Variants in ZC3H12B observed in about 807,000 individuals in gnomAD.
ZC3H12B encodes the protein probable ribonuclease ZC3H12B.
In ZC3H12B, 7 loss-of-function variants were observed where a neutral mutation model predicts 43.9. The ratio of observed to expected loss-of-function variants is 0.16; its 90% CI spans 0.09 to 0.30. ZC3H12B has a LOEUF of 0.30. ZC3H12B is among the 10% of genes least tolerant of loss of function. The pLI is 1.00. For synonymous variants in ZC3H12B, 222 were observed against 241.7 expected (o/e 0.92, Z 0.76); for missense variants, 475 against 670.2 (o/e 0.71, Z 3.22).
the ZC3H12B span, among the ~76,000 whole-genome samples, chrX:65,036,042 G>T: frequency 1.8e-5 from 2 of 111,585 alleles, no homozygotes; most frequent in Non-Finnish European, 3.8e-5. Context: ...TGATATATCT[G>T]TTCTTCCTGA....
At chrX:65,191,440 TG>T in the ZC3H12B span, among the ~76,000 whole-genome samples, 1 of 100,487 alleles carries the variant, frequency 1.0e-5, no homozygotes, top group African/African-American at 4.1e-5. Context: ...GGACTCTTTT[TG>T]GTTGGTAAAC....
At chrX:65,121,015 G>T in the ZC3H12B span, among the ~76,000 whole-genome samples, 1 of 111,103 alleles carries the variant, frequency 9.0e-6, no homozygotes, top group African/African-American at 3.3e-5. Context: ...TGATCATGGT[G>T]GATAAGCTTT....
At chrX:65,081,330 A>T in the ZC3H12B span, among the ~76,000 whole-genome samples, 1 of 110,719 alleles carries the variant, frequency 9.0e-6, no homozygotes, top group Admixed American at 9.6e-5. Context: ...GAATCAAAAG[A>T]TGTAGAGAGG....
chrX:65,469,184 C>A, intron 3 of ZC3H12B: 1 of 172,288 alleles, frequency 5.8e-6, no homozygotes. Flanking sequence ...AGACCACCAA[C>A]AGCAAGATCC....
chrX:65,316,138 AAAG>A, the ZC3H12B span, among the ~76,000 whole-genome samples: 71 of 112,176 alleles, frequency 6.3e-4, no homozygotes, highest in Middle Eastern at 4.6e-3. Flanking sequence ...GAAAAGCAAT[AAAG>A]AAGAATGGAC....
chrX:65,378,912 TG>T (rs2066390452), intron 2 of ZC3H12B, among the ~76,000 whole-genome samples: 1 of 112,403 alleles, frequency 8.9e-6, no homozygotes, highest in Admixed American at 9.3e-5. Context: ...GCATAAAAAA[TG>T]GCGCACCAGG....
chrX:65,483,373 T>C (rs1444979109), intron 3 of ZC3H12B, among the ~76,000 whole-genome samples: 1 of 112,240 alleles, frequency 8.9e-6, no homozygotes, highest in Non-Finnish European at 1.9e-5. Flanking sequence ...TTATTTATTA[T>C]AAATAAAAAT....
chrX:65,493,149 G>A (rs1602531597), intron 1 of ZC3H12B, among the ~76,000 whole-genome samples: 1 of 110,352 alleles, frequency 9.1e-6, no homozygotes, highest in Admixed American at 9.7e-5. Flanking sequence ...GCTCACACCT[G>A]TAATCCCAGA....
the ZC3H12B span, among the ~76,000 whole-genome samples, chrX:65,342,802 A>T: frequency 9.2e-6 from 1 of 109,033 alleles, no homozygotes; most frequent in African/African-American, 3.4e-5. Flanking sequence ...GACAAGAAAT[A>T]ATCAAAATCA....
At chrX:65,250,890 C>A in the ZC3H12B span, among the ~76,000 whole-genome samples, 2 of 111,461 alleles carry the variant, frequency 1.8e-5, no homozygotes, top group Non-Finnish European at 3.8e-5. Flanking sequence ...TGTAGGTTGC[C>A]TGTTCACTCT....
the ZC3H12B span, among the ~76,000 whole-genome samples, chrX:65,336,948 C>G: frequency 8.9e-6 from 1 of 112,312 alleles, no homozygotes; most frequent in African/African-American, 3.2e-5. Context: ...CTCATACTGC[C>G]AAACCCACTC....
the ZC3H12B span, among the ~76,000 whole-genome samples, chrX:65,216,508 G>A: frequency 9.0e-6 from 1 of 111,409 alleles, no homozygotes; most frequent in African/African-American, 3.3e-5. Flanking sequence ...AAGTGTCCTG[G>A]GGCTCTAAAT....
intron 3 of ZC3H12B, among the ~76,000 whole-genome samples, chrX:65,430,188 T>C (rs1184046615): frequency 9.0e-6 from 1 of 111,453 alleles, no homozygotes; most frequent in African/African-American, 3.3e-5. Flanking sequence ...TGTGTGTGCC[T>C]GAGCAGCTGC....
the ZC3H12B span, among the ~76,000 whole-genome samples, chrX:65,169,058 T>A: frequency 2.7e-5 from 3 of 111,825 alleles, no homozygotes; most frequent in Non-Finnish European, 3.8e-5. Flanking sequence ...ATCTTAGTTA[T>A]TTCTTGCCTT....
chrX:65,270,889 C>T, the ZC3H12B span: 1 of 111,180 alleles, frequency 9.0e-6, no homozygotes, highest in Admixed American at 9.6e-5. Context: ...ACCATGGCAT[C>T]CTGGAGCGCC....
At chrX:65,088,897 T>A in the ZC3H12B span, among the ~76,000 whole-genome samples, 1 of 111,820 alleles carries the variant, frequency 8.9e-6, no homozygotes, top group Non-Finnish European at 1.9e-5. Context: ...GTTACTTAAT[T>A]TGTGCCTTGG....
intron 3 of ZC3H12B, among the ~76,000 whole-genome samples, chrX:65,477,952 G>A (rs2068017490): frequency 9.2e-6 from 1 of 108,239 alleles, no homozygotes; most frequent in Non-Finnish European, 1.9e-5. Context: ...CAGTTAACCT[G>A]TCAACATAAA....
At chrX:65,436,586 G>T (rs977940712) in intron 3 of ZC3H12B, among the ~76,000 whole-genome samples, 8 of 111,681 alleles carry the variant, frequency 7.2e-5, no homozygotes, top group Non-Finnish European at 1.5e-4. Flanking sequence ...CTGTCAAATT[G>T]ACACCTGAAA....
chrX:65,110,932 A>G, the ZC3H12B span, among the ~76,000 whole-genome samples: 240 of 111,471 alleles, frequency 2.2e-3, 1 homozygote, highest in Non-Finnish European at 3.6e-3. Flanking sequence ...TTCAGCATAC[A>G]GATCCTCTCT....
Sources: gnomAD v4.1 joint callset for allele counts (sites outside exome capture counted in the v4.1 genomes callset) on GRCh38, gnomAD v4.1.1 for gene constraint, MANE v1.5 for transcripts, NCBI Gene and HGNC (gene_info 2026-07-23, HGNC 2026-07-21) for gene names.